The following B3GAT3 variants were observed in gnomAD, a reference collection of about 807,000 sequenced individuals.
B3GAT3 encodes galactosylgalactosylxylosylprotein 3-beta-glucuronosyltransferase 3.
Under a neutral mutation model 33.1 loss-of-function variants are expected in B3GAT3, and 19 were observed. The observed-to-expected ratio is 0.57, with a 90% CI of 0.40 to 0.84. The LOEUF is 0.84. Ranked by LOEUF, B3GAT3 falls within the 40% of genes least tolerant of loss-of-function variation. The probability of loss-of-function intolerance (pLI) is 0.00; values close to 1 mark genes in which losing one functional copy is unlikely to be tolerated. For synonymous variants in B3GAT3, 167 were observed against 193.5 expected, an observed-to-expected ratio of 0.86 and a Z score of 1.14; for missense variants, 344 against 441.5, an observed-to-expected ratio of 0.78 and a Z score of 1.98.
At position 62,620,682 on chromosome 11, in the gene B3GAT3, GA is replaced by G; in HGVS notation, c.83-12del. On this transcript the variant is annotated splice_polypyrimidine_tract_variant and intron_variant, in intron 1 of 4. Coordinates refer to ENST00000265471, the MANE Select transcript of B3GAT3 (RefSeq NM_012200.4). ...AGTCACATGGCTGGCCTGGTCCCAGGAAGCATTAATGGGGAAAGAAGGTGGG... is the reference window on the plus strand; with the variant it reads ...AGTCACATGGCTGGCCTGGTCCCAGGAGCATTAATGGGGAAAGAAGGTGGG... 1 of 1,608,432 alleles carries G rather than the reference GA, an allele frequency of 6.2e-7. No individual in the cohort carries two copies. The highest frequency in any genetic ancestry group is 8.5e-7 in the Non-Finnish European group (1 of 1,176,144).
At position 62,616,792 on chromosome 11, in the gene B3GAT3, C is replaced by A. The variant is rs749411703; in HGVS notation, c.623G>T (p.Arg208Leu). 4 of 1,613,918 alleles carry A rather than the reference C, an allele frequency of 2.5e-6. No homozygotes were observed. The highest frequency in any genetic ancestry group is 3.4e-6 in the Non-Finnish European group (4 of 1,179,978). ...TYSRELFEEM[R>L]WTRGVSVWPV... is the part of the protein sequence containing the mutation. Reference sequence around the variant, plus strand: ...CCACACTGAGACACCACGGGTCCAGCGCATCTAACGGAGGTCGGGAGAGAA... The same window carrying A: ...CCACACTGAGACACCACGGGTCCAGAGCATCTAACGGAGGTCGGGAGAGAA... Residue 208 changes from arginine to leucine, a missense_variant, in exon 4 of 5, where the codon CGC becomes CTC. Transcript: ENST00000265471.
Position 62,617,252 on chromosome 11 carries a change from G to A in B3GAT3, c.353C>T (p.Thr118Ile), listed in dbSNP as rs1565076404. The A allele has an allele frequency of 3.7e-6, 6 of 1,613,250 alleles. No individual in the cohort carries two copies. Among genetic ancestry groups the A allele is most frequent in the Non-Finnish European group, 5.1e-6 (6 of 1,179,870 alleles). Residue 118 changes from threonine (T) to isoleucine (I), a missense_variant, in exon 3 of 5, where the codon ACC becomes ATC. Coordinates refer to ENST00000265471, the MANE Select transcript of B3GAT3 (RefSeq NM_012200.4). ...AGCCAGCAGCCCTGAGACCAGCGGG[G>A]TGGGACCCTCAGCATCCTCCACCAG... ...WLLVEDAEGP[T>I]PLVSGLLAAS...
chr11:62,617,038 G>A lies in B3GAT3; in HGVS notation c.567C>T (p.Val189=), dbSNP rs539002462. The A allele has an allele frequency of 2.2e-5, 36 of 1,614,154 alleles. No homozygotes were observed. The highest frequency in any genetic ancestry group is 1.2e-4 in the African/African-American group (9 of 75,034). ...TGTTGTCATCGTCAGCAAAGTAGAC[G>A]ACTCCTTGGGTCCCTGGTGGTGGTG... ...KDPPPPGTQG[V]VYFADDDNTY... The change falls in exon 3 of 5, where the codon GTC becomes GTT. Residue 189 remains valine (V), a synonymous_variant. Transcript: ENST00000265471.
Position 62,617,284 on chromosome 11 carries a change from A to T in B3GAT3, c.321T>A (p.His107Gln). Residue 107 changes from histidine (H) to glutamine (Q), a missense_variant, in exon 3 of 5, where the codon CAT becomes CAA. Coordinates refer to ENST00000265471, the MANE Select transcript of B3GAT3 (RefSeq NM_012200.4). ...SQTLSLVPRL[H>Q]WLLVEDAEGP... The stretch of plus-strand genomic sequence containing the variant: ...CCTCAGCATCCTCCACCAGCAGCCA[A>T]TGCAGCCGGGGCACCAGGCTCAGTG... 6.2e-7 allele frequency: 1 copy of T among 1,613,406 alleles called. No homozygotes were observed. Among genetic ancestry groups the T allele is most frequent in the Non-Finnish European group, 8.5e-7 (1 of 1,180,006 alleles).
At chr11:62,619,273 G>A (rs1943095622) in intron 2 of B3GAT3, among the ~76,000 whole-genome samples, 1 of 152,094 alleles carries the variant, frequency 6.6e-6, no homozygotes, top group Non-Finnish European at 1.5e-5. Context: ...CCCAGGGCTG[G>A]TTGTGTGTGC....
At position 62,617,473 on chromosome 11, in the gene B3GAT3, C is replaced by A. The variant is rs117793752; in HGVS notation, c.258-126G>T. On this transcript the variant is annotated intron_variant, in intron 2 of 4. Transcript: ENST00000265471. ...TGGCCCTTCCCAACCAATGCCTAAA[C>A]TCCCTCTTTCTTGCCTGTCAACTTC... The A allele has an allele frequency of 8.6e-3, 11,182 of 1,304,294 alleles. 61 individuals carry two copies. The highest frequency in any genetic ancestry group is 0.012 in the South Asian group (994 of 79,924). The allele number at this position is 1,304,294 out of a possible 1,614,324, so 80.8% of individuals were successfully genotyped here.
At position 62,617,075 on chromosome 11, in the gene B3GAT3, C is replaced by T; in HGVS notation, c.530G>A (p.Gly177Glu). 1 of 1,614,114 alleles carries T rather than the reference C, an allele frequency of 6.2e-7. No individual in the cohort carries two copies. The highest frequency in any genetic ancestry group is 8.5e-7 in the Non-Finnish European group (1 of 1,180,028). ...CCCTGGTGGTGGTGGGTCCTTCTCC[C>T]CACCCACAGCACCCCCTCTGCCCCG... is the stretch of plus-strand genomic sequence containing the variant. The part of the protein sequence containing the change: ...WLRGRGGAVG[G>E]EKDPPPPGTQ... Residue 177 changes from glycine (G) to glutamate (E), a missense_variant, in exon 3 of 5, where the codon GGG (glycine) becomes GAG (glutamate). Coordinates refer to ENST00000265471, the MANE Select transcript of B3GAT3 (RefSeq NM_012200.4).
At chr11:62,620,445 A>G in intron 2 of B3GAT3, 52 bp downstream of exon 2, 1 of 1,573,460 alleles carries the variant, frequency 6.4e-7, no homozygotes, top group Non-Finnish European at 8.7e-7. Flanking sequence ...CCTCATCATC[A>G]ACTCCAACTT....
chr11:62,619,868 G>C (rs1024439023), intron 2 of B3GAT3, among the ~76,000 whole-genome samples: 33 of 151,246 alleles, frequency 2.2e-4, no homozygotes, highest in Non-Finnish European at 4.7e-4. Context: ...TTAATCAGGG[G>C]GTTTTAACTT....
At chr11:62,616,817 AG>A in intron 3 of B3GAT3, 21 bp from the exon 4 acceptor site, 1 of 1,613,816 alleles carries the variant, frequency 6.2e-7, no homozygotes, top group Non-Finnish European at 8.5e-7. Context: ...TCGGGAGAGA[AG>A]AAACAGAGGG....
At chr11:62,619,486 G>GT (rs1943100852) in intron 2 of B3GAT3, among the ~76,000 whole-genome samples, 1 of 151,788 alleles carries the variant, frequency 6.6e-6, no homozygotes, top group Admixed American at 6.6e-5. Context: ...TAAACACACT[G>GT]TAAGTAACAG....
At chr11:62,618,297 C>T (rs1943075046) in intron 2 of B3GAT3, among the ~76,000 whole-genome samples, 1 of 151,188 alleles carries the variant, frequency 6.6e-6, no homozygotes, top group Admixed American at 6.6e-5. Flanking sequence ...GAAAATGGCT[C>T]AATCTCCCTA....
At position 62,616,802 on chromosome 11, in the gene B3GAT3, G is replaced by C; in HGVS notation, c.619-6C>G. ...ACACCACGGGTCCAGCGCATCTAAC[G>C]GAGGTCGGGAGAGAAGAAACAGAGG... is the stretch of plus-strand genomic sequence containing the variant. On this transcript the variant is annotated splice_region_variant and splice_polypyrimidine_tract_variant and intron_variant, in intron 3 of 4. Coordinates refer to ENST00000265471, the MANE Select transcript of B3GAT3 (RefSeq NM_012200.4). 6.2e-7 allele frequency: 1 copy of C among 1,613,898 alleles called. No homozygotes were observed. The highest frequency in any genetic ancestry group is 8.5e-7 in the Non-Finnish European group (1 of 1,179,990).
chr11:62,621,959 C>T lies in B3GAT3; in HGVS notation c.-12G>A, dbSNP rs199837746. 120 of 1,612,660 alleles carry T rather than the reference C, an allele frequency of 7.4e-5. No homozygotes were observed. In the East Asian group the frequency reaches 1.8e-3, roughly 24 times the overall value. The stretch of plus-strand genomic sequence containing the variant: ...AGCTTCAGCTTCATGGCCGCGCCGC[C>T]GCCCGCGCCCGAGCAGGCGGGGTCT... On this transcript the variant is annotated 5_prime_UTR_variant, in exon 1 of 5. Coordinates refer to ENST00000265471, the MANE Select transcript of B3GAT3 (RefSeq NM_012200.4).
chr11:62,616,928 A>G, intron 3 of B3GAT3, 59 bp downstream of exon 3: 1 of 1,613,572 alleles, frequency 6.2e-7, no homozygotes, highest in Non-Finnish European at 8.5e-7. Context: ...CTGCTAACCA[A>G]GGTAACGAAT....
In B3GAT3 at chr11:62,619,724, T is replaced by TTTTTTTG. The variant is rs1554969086; in HGVS notation, c.257+772_257+773insCAAAAAA. On this transcript the variant is annotated intron_variant, in intron 2 of 4. Transcript: ENST00000265471. ...CTTTTTTTTTTTTTTTTTTTTTTTT[T>TTTTTTTG]CAGAGACAAGAGTTTCACCATGTTG... Among the ~76,000 whole-genome samples, 14 of 137,130 alleles carry TTTTTTTG rather than the reference T, an allele frequency of 1.0e-4. 1 individual carries two copies. Among genetic ancestry groups the TTTTTTTG allele is most frequent in the African/African-American group, 3.6e-4 (13 of 36,278 alleles). 90.0% of individuals were successfully genotyped at this position (137,130 alleles called of 152,430 possible). A position where few individuals can be genotyped will look rare whatever the true frequency, so the allele number is the denominator to read the frequency against.
At chr11:62,618,155 C>A (rs528801379) in intron 2 of B3GAT3, among the ~76,000 whole-genome samples, 60 of 109,710 alleles carry the variant, frequency 5.5e-4, no homozygotes, top group Middle Eastern at 0.011. Flanking sequence ...CCAGCCTGAG[C>A]GACAAGAGCG....
chr11:62,616,806 G>GT lies in B3GAT3; in HGVS notation c.619-11dup, dbSNP rs773343156. On this transcript the variant is annotated splice_polypyrimidine_tract_variant and intron_variant, in intron 3 of 4. Transcript: ENST00000265471. The stretch of plus-strand genomic sequence containing the variant: ...CACGGGTCCAGCGCATCTAACGGAG[G>GT]TCGGGAGAGAAGAAACAGAGGGGTG... 1 of 1,613,912 alleles carries GT rather than the reference G, an allele frequency of 6.2e-7. No homozygotes were observed. The highest frequency in any genetic ancestry group is 1.1e-5 in the South Asian group (1 of 91,088).
intron 4 of B3GAT3, chr11:62,616,243 G>GAAA: frequency 1.4e-5 from 7 of 495,600 alleles, no homozygotes; most frequent in Non-Finnish European, 2.6e-5. Flanking sequence ...GACTCTGTCT[G>GAAA]AAAAAAAAAA....
Sources: gnomAD v4.1 joint callset for allele counts (sites outside exome capture counted in the v4.1 genomes callset) on GRCh38, gnomAD v4.1.1 for gene constraint, MANE v1.5 for transcripts, NCBI Gene and HGNC (gene_info 2026-07-23, HGNC 2026-07-21) for gene names.